The following LINC00632 variants were observed in gnomAD, a reference collection of about 807,000 sequenced individuals.
The protein encoded by LINC00632 is long independently transcribed non-coding RNA 632.
intron 3 of LINC00632, among the ~76,000 whole-genome samples, chrX:140,744,559 C>CTTT (rs375247380): frequency 2.1e-5 from 1 of 47,420 alleles, no homozygotes; most frequent in African/African-American, 8.7e-5. Flanking sequence ...TGGATTAGAG[C>CTTT]TTTTTTTTGG....
chrX:140,712,627 T>A (rs2148374621), intron 2 of LINC00632, among the ~76,000 whole-genome samples: 1 of 110,767 alleles, frequency 9.0e-6, no homozygotes, highest in East Asian at 2.8e-4. Flanking sequence ...CCACTACCTC[T>A]TCTAGATAGG....
intron 3 of LINC00632, among the ~76,000 whole-genome samples, chrX:140,755,825 T>C (rs894323309): frequency 9.0e-6 from 1 of 111,253 alleles, no homozygotes; most frequent in African/African-American, 3.3e-5. Flanking sequence ...AAGCACCTTC[T>C]ACCACAGTAC....
intron 2 of LINC00632, among the ~76,000 whole-genome samples, chrX:140,725,252 T>C (rs1412902309): frequency 1.3e-5 from 1 of 79,603 alleles, no homozygotes; most frequent in African/African-American, 5.0e-5. Flanking sequence ...CACACACACA[T>C]TCCGTACACA....
chrX:140,770,846 A>G (rs1044373309), intron 3 of LINC00632, among the ~76,000 whole-genome samples: 3 of 112,237 alleles, frequency 2.7e-5, no homozygotes, highest in African/African-American at 6.5e-5. Context: ...GAGTCGTAGT[A>G]TGGATTGGTA....
chrX:140,731,802 C>G (rs986763316), intron 2 of LINC00632, among the ~76,000 whole-genome samples: 4 of 111,615 alleles, frequency 3.6e-5, no homozygotes, highest in African/African-American at 1.3e-4. Flanking sequence ...GAGATAAATA[C>G]AGGTGAATAC....
At chrX:140,783,806 T>C (rs769887693) in exon 5 of LINC00632, 2 of 1,208,975 alleles carry the variant, frequency 1.7e-6, no homozygotes, top group South Asian at 1.8e-5. Flanking sequence ...AGAAAATCCA[T>C]GTCTTCCAGA....
chrX:140,729,884 T>C (rs1241861066), intron 2 of LINC00632, among the ~76,000 whole-genome samples: 11 of 103,133 alleles, frequency 1.1e-4, no homozygotes, highest in Non-Finnish European at 2.0e-4. Flanking sequence ...TTTCTTTTTT[T>C]TTTTTTTTTT....
exon 5 of LINC00632, among the ~76,000 whole-genome samples, chrX:140,785,189 TAATAATA>T: frequency 1.1e-5 from 1 of 91,081 alleles, no homozygotes; most frequent in Non-Finnish European, 2.2e-5. Flanking sequence ...AATAATATAA[TAATAATA>T]ATAATAATAA....
chrX:140,743,569 A>C (rs1277118345), intron 3 of LINC00632, among the ~76,000 whole-genome samples: 1 of 111,641 alleles, frequency 9.0e-6, no homozygotes, highest in Non-Finnish European at 1.9e-5. Flanking sequence ...TACAAAAAAA[A>C]AGGTAAAGAC....
At chrX:140,764,526 T>C (rs1438062714) in intron 3 of LINC00632, 1 of 112,445 alleles carries the variant, frequency 8.9e-6, no homozygotes, top group Non-Finnish European at 1.9e-5. Flanking sequence ...AGCCGACGAA[T>C]GCTGGAGAGG....
At chrX:140,748,540 A>T (rs1025632074) in intron 3 of LINC00632, among the ~76,000 whole-genome samples, 3 of 111,054 alleles carry the variant, frequency 2.7e-5, no homozygotes, top group African/African-American at 6.5e-5. Flanking sequence ...TATTCAGACA[A>T]TGAAACATCT....
intron 2 of LINC00632, among the ~76,000 whole-genome samples, chrX:140,718,140 G>GA (rs899627290): frequency 3.7e-5 from 4 of 107,620 alleles, no homozygotes; most frequent in South Asian, 4.0e-4. Context: ...CCGTCTCAAA[G>GA]AAAAAAAAAG....
chrX:140,745,724 T>C (rs1296051995), intron 3 of LINC00632, among the ~76,000 whole-genome samples: 1 of 111,928 alleles, frequency 8.9e-6, no homozygotes, highest in Non-Finnish European at 1.9e-5. Context: ...AGTAATAAAG[T>C]GGAGGGTAGA....
At chrX:140,711,616 C>A in intron 1 of LINC00632, 1 of 316,053 alleles carries the variant, frequency 3.2e-6, no homozygotes, top group Non-Finnish European at 6.3e-6. Flanking sequence ...GTTTTTTCTC[C>A]CTAGGAAAAA....
At chrX:140,788,997 A>G (rs1354398171) in exon 5 of LINC00632, among the ~76,000 whole-genome samples, 11 of 106,999 alleles carry the variant, frequency 1.0e-4, no homozygotes, top group African/African-American at 3.7e-4. Context: ...AAAGTAAAAA[A>G]AAGCAGTAGT....
intron 3 of LINC00632, among the ~76,000 whole-genome samples, chrX:140,755,452 A>C (rs2148394652): frequency 1.8e-5 from 2 of 112,315 alleles, no homozygotes; most frequent in African/African-American, 3.2e-5. Context: ...GCCTTGGGTA[A>C]GTAACTTAAC....
At chrX:140,790,197 C>T (rs1435732927) in exon 5 of LINC00632, among the ~76,000 whole-genome samples, 1 of 110,820 alleles carries the variant, frequency 9.0e-6, no homozygotes, top group East Asian at 2.8e-4. Context: ...ATATTTTGTA[C>T]GTTCTTATTG....
chrX:140,782,655 T>C (rs1177354772), exon 5 of LINC00632: 1 of 111,748 alleles, frequency 8.9e-6, no homozygotes, highest in Non-Finnish European at 1.9e-5. Flanking sequence ...AGTTTTTACA[T>C]TTTTAAATGT....
intron 2 of LINC00632, among the ~76,000 whole-genome samples, chrX:140,712,969 C>G (rs1395407589): frequency 9.0e-6 from 1 of 110,840 alleles, no homozygotes; most frequent in Admixed American, 9.7e-5. Flanking sequence ...TCCTGACTTG[C>G]CGCATTAGAC....
Sources: gnomAD v4.1 joint callset for allele counts (sites outside exome capture counted in the v4.1 genomes callset) on GRCh38, gnomAD v4.1.1 for gene constraint, MANE v1.5 for transcripts, NCBI Gene and HGNC (gene_info 2026-07-23, HGNC 2026-07-21) for gene names.